The following CEACAM16 variants were observed in gnomAD, a reference collection of about 807,000 sequenced individuals.
The protein encoded by CEACAM16 is cell adhesion molecule CEACAM16.
CEACAM16 carries 30 observed loss-of-function variants against 39.4 expected under a neutral mutation model. The observed-to-expected ratio is 0.76, with a 90% confidence interval of 0.57 to 1.03. The LOEUF is 1.03. Ranked by LOEUF, CEACAM16 falls within the 50% of genes least tolerant of loss-of-function variation. The probability of loss-of-function intolerance (pLI) is 0.00; values close to 1 mark genes in which losing one functional copy is unlikely to be tolerated. For synonymous variants in CEACAM16, 262 were observed against 264.9 expected (o/e 0.99, Z 0.11); for missense variants, 521 against 585.3 (o/e 0.89, Z 1.13).
At position 44,710,585 on chromosome 19, in the gene CEACAM16, TCCCC is replaced by T; in HGVS notation, c.*81_*84del. The T allele has an allele frequency of 4.4e-6, 7 of 1,582,364 alleles. No homozygotes were observed. Among genetic ancestry groups the T allele is most frequent in the African/African-American group, 2.7e-5 (2 of 74,340 alleles). ...TCCTCGCCCTCTGAGTGGGAACCAC[TCCCC>T]CACAGCGAGGATGCCAGGCTGTGGT... On this transcript the variant is annotated 3_prime_UTR_variant, in exon 7 of 7. Transcript: ENST00000587331.
At chr19:44,702,945 G>T (rs1473742862) in intron 2 of CEACAM16, among the ~76,000 whole-genome samples, 3 of 152,182 alleles carry the variant, frequency 2.0e-5, no homozygotes, top group Non-Finnish European at 2.9e-5. Flanking sequence ...CACAACACAC[G>T]CCTCCCTCCC....
intron 5 of CEACAM16, 123 bp downstream of exon 5, chr19:44,705,991 G>A: frequency 3.3e-6 from 4 of 1,195,942 alleles, no homozygotes; most frequent in Non-Finnish European, 4.7e-6. Flanking sequence ...TCATTCATGA[G>A]CTGTGACAAA....
chr19:44,704,214 G>A lies in CEACAM16; in HGVS notation c.579G>A (p.Arg193=), dbSNP rs564332897. 32 of 1,552,608 alleles carry A rather than the reference G, an allele frequency of 2.1e-5. No homozygotes were observed. Among genetic ancestry groups the A allele is most frequent in the African/African-American group, 5.5e-5 (4 of 73,248 alleles). ...GRVLARHGIR[R]EEAGAYQCEV... is the part of the protein sequence containing the mutation. Reference sequence around the variant, plus strand: ...TGCTGGCCAGGCATGGCATCCGCCGGGAGGAGGCCGGCGCCTATCAGTGTG... The same window carrying A: ...TGCTGGCCAGGCATGGCATCCGCCGAGAGGAGGCCGGCGCCTATCAGTGTG... The change falls in exon 4 of 7, where the codon CGG becomes CGA. Residue 193 remains arginine, a synonymous_variant. Transcript: ENST00000587331.
rs757611441 is a variant in CEACAM16, at chr19:44,707,874, C to A, written c.954C>A (p.Ala318=). The A allele has an allele frequency of 8.4e-6, 13 of 1,546,648 alleles. No individual in the cohort carries two copies. The highest frequency in any genetic ancestry group is 1.8e-5 in the Admixed American group (1 of 55,042). ...CTCTCTCCCCAGCTGCAGCAGTTGC[C>A]ACGATGATCGTGCCCGTGCCCACCA... is the stretch of plus-strand genomic sequence containing the variant. The part of the protein sequence containing the change: ...VVVKLSAAAV[A]TMIVPVPTKP... Residue 318 remains alanine (A), a synonymous_variant, in exon 6 of 7, where the codon GCC becomes GCA. Coordinates refer to ENST00000587331, the MANE Select transcript of CEACAM16 (RefSeq NM_001039213.4).
intron 2 of CEACAM16, among the ~76,000 whole-genome samples, chr19:44,702,335 C>T (rs1974360220): frequency 1.3e-5 from 2 of 151,696 alleles, no homozygotes; most frequent in East Asian, 1.9e-4. Flanking sequence ...GGGAGGCCCA[C>T]ACATGAACCG....
In CEACAM16 at chr19:44,710,607, G is replaced by A; in HGVS notation, c.*101G>A. 1 of 1,523,296 alleles carries A rather than the reference G, an allele frequency of 6.6e-7. No individual in the cohort carries two copies. The highest frequency in any genetic ancestry group is 9.1e-7 in the Non-Finnish European group (1 of 1,099,314). 94.4% of individuals were successfully genotyped at this position (1,523,296 alleles called of 1,614,324 possible). A position where few individuals can be genotyped will look rare whatever the true frequency, so the allele number is the denominator to read the frequency against. On this transcript the variant is annotated 3_prime_UTR_variant, in exon 7 of 7. Transcript: ENST00000587331. ...CACTCCCCCACAGCGAGGATGCCAG[G>A]CTGTGGTCCTGCTGTTCTCCTGCCT...
intron 4 of CEACAM16, 36 bp from the exon 5 acceptor site, chr19:44,705,554 T>G (rs1360439342): frequency 1.9e-6 from 3 of 1,555,412 alleles, no homozygotes; most frequent in Non-Finnish European, 2.6e-6. Flanking sequence ...CCTCCTTCCC[T>G]CTACTGCCCC....
rs1487313169 is a variant in CEACAM16, at chr19:44,707,886, G to A, written c.966G>A (p.Val322=). Residue 322 remains valine (V), a synonymous_variant, in exon 6 of 7, where the codon GTG becomes GTA. Transcript: ENST00000587331. The part of the protein sequence containing the change: ...LSAAAVATMI[V]PVPTKPTEGQ... ...CTGCAGCAGTTGCCACGATGATCGTGCCCGTGCCCACCAAGCCAACGGAGG... is the reference window on the plus strand; with the variant it reads ...CTGCAGCAGTTGCCACGATGATCGTACCCGTGCCCACCAAGCCAACGGAGG... 6.4e-7 allele frequency: 1 copy of A among 1,558,546 alleles called. No homozygotes were observed. The highest frequency in any genetic ancestry group is 2.3e-5 in the East Asian group (1 of 43,576).
intron 4 of CEACAM16, among the ~76,000 whole-genome samples, chr19:44,704,944 C>T (rs370379394): frequency 6.6e-6 from 1 of 152,212 alleles, no homozygotes; most frequent in South Asian, 2.1e-4. Flanking sequence ...CAAAATTTAA[C>T]AACATAACCA....
At chr19:44,705,444 G>A (rs1344699742) in intron 4 of CEACAM16, 146 bp from the exon 5 acceptor site, 5 of 705,236 alleles carry the variant, frequency 7.1e-6, no homozygotes, top group Non-Finnish European at 1.1e-5. Flanking sequence ...CCTAGAACAA[G>A]TTAGAGTTAA....
chr19:44,699,464 T>G (rs1187409688), intron 1 of CEACAM16: 1 of 466,854 alleles, frequency 2.1e-6, no homozygotes, highest in Non-Finnish European at 4.4e-6. Flanking sequence ...TTCACTCTTT[T>G]GCCCAGGGTT....
At chr19:44,705,151 TTCTTAGAA>T (rs1458825733) in intron 4 of CEACAM16, among the ~76,000 whole-genome samples, 2 of 152,144 alleles carry the variant, frequency 1.3e-5, no homozygotes, top group African/African-American at 2.4e-5. Flanking sequence ...GACGCAGAGA[TTCTTAGAA>T]TCTTAGAATC....
At chr19:44,700,649 G>A (rs1974330415) in intron 1 of CEACAM16, among the ~76,000 whole-genome samples, 1 of 152,186 alleles carries the variant, frequency 6.6e-6, no homozygotes. Flanking sequence ...CTTTGGGTAA[G>A]TGCAGAGCTG....
In CEACAM16 at chr19:44,708,103, C is replaced by G. The variant is rs1457849281; in HGVS notation, c.1183C>G (p.Leu395Val). 5 of 1,610,904 alleles carry G rather than the reference C, an allele frequency of 3.1e-6. No homozygotes were observed. The highest frequency in any genetic ancestry group is 4.2e-6 in the Non-Finnish European group (5 of 1,178,752). Residue 395 changes from leucine to valine, a missense_variant, in exon 6 of 7, where the codon CTC (leucine) becomes GTC (valine). Coordinates refer to ENST00000587331, the MANE Select transcript of CEACAM16 (RefSeq NM_001039213.4). ...NCSLLVQKLN[L>V]TDTGRYTLKT... ...CTCGCTGTTGGTGCAGAAGCTGAAC[C>G]TCACAGACACTGGCCGCTACACACT... is the stretch of plus-strand genomic sequence containing the variant.
chr19:44,709,519 T>C lies in CEACAM16; in HGVS notation c.1268-977T>C, dbSNP rs185039014. On this transcript the variant is annotated intron_variant, in intron 6 of 6. Transcript: ENST00000587331. ...TGGGAGCTCCCAGAGTCAGGGACCA[T>C]GTCTCCTCCATCAGACCGGGAGCTC... 7.1e-3 allele frequency among the ~76,000 whole-genome samples: 789 copies of C among 111,088 alleles called. 30 individuals carry two copies. The highest frequency in any genetic ancestry group is 0.016 in the African/African-American group (358 of 22,742). 72.9% of individuals were successfully genotyped at this position (111,088 alleles called of 152,430 possible). A position where few individuals can be genotyped will look rare whatever the true frequency, so the allele number is the denominator to read the frequency against.
Position 44,701,071 on chromosome 19 carries a change from GCT to G in CEACAM16, c.-96-285_-96-284del, listed in dbSNP as rs1974337345. On this transcript the variant is annotated intron_variant, in intron 1 of 6. Coordinates refer to ENST00000587331, the MANE Select transcript of CEACAM16 (RefSeq NM_001039213.4). The surrounding 1 kb of genome is among the most constrained non-coding windows in gnomAD (Gnocchi z 4.0). ...GATTTTCTTCCTTGGTGACTCCCAG[GCT>G]CTCTGAGGAGGCCACGGGCCTGGGT... is the stretch of plus-strand genomic sequence containing the variant. Among the ~76,000 whole-genome samples, 1 of 152,196 alleles carries G rather than the reference GCT, an allele frequency of 6.6e-6. No homozygotes were observed. Among genetic ancestry groups the G allele is most frequent in the South Asian group, 2.1e-4 (1 of 4,834 alleles).
intron 6 of CEACAM16, among the ~76,000 whole-genome samples, chr19:44,709,087 A>G (rs1974495400): frequency 6.6e-6 from 1 of 152,042 alleles, no homozygotes; most frequent in African/African-American, 2.4e-5. Flanking sequence ...GAGCTCCCAG[A>G]GTTATAGACC....
intron 6 of CEACAM16, among the ~76,000 whole-genome samples, chr19:44,709,348 C>G (rs112464106): frequency 2.0e-5 from 3 of 150,766 alleles, no homozygotes; most frequent in South Asian, 2.1e-4. Flanking sequence ...GAGTCAGGGA[C>G]CATGTCTCCT....
chr19:44,710,596 G>A lies in CEACAM16; in HGVS notation c.*90G>A, dbSNP rs369172258. 5.7e-5 allele frequency: 88 copies of A among 1,549,622 alleles called. No homozygotes were observed. In the African/African-American group the frequency reaches 8.5e-4, roughly 15 times the overall value. On this transcript the variant is annotated 3_prime_UTR_variant, in exon 7 of 7. Transcript: ENST00000587331. ...TGAGTGGGAACCACTCCCCCACAGC[G>A]AGGATGCCAGGCTGTGGTCCTGCTG...
Sources: gnomAD v4.1 joint callset for allele counts (sites outside exome capture counted in the v4.1 genomes callset) on GRCh38, gnomAD v4.1.1 for gene constraint, Gnocchi (gnomAD v3.1) non-coding constraint, MANE v1.5 for transcripts, NCBI Gene and HGNC (gene_info 2026-07-23, HGNC 2026-07-21) for gene names.